Variants in FHIT observed in about 807,000 individuals in gnomAD.
FHIT encodes the protein fragile histidine triad diadenosine triphosphatase.
In FHIT, 19 loss-of-function variants were observed where a neutral mutation model predicts 17.9. That is an observed-to-expected ratio of 1.06 (90% CI 0.74 to 1.56). FHIT has a LOEUF of 1.56. Ranked by LOEUF, FHIT falls within the 40% of genes most tolerant of loss-of-function variation. The pLI, the probability that FHIT is intolerant of heterozygous loss-of-function variation, is 0.00. For missense variants in FHIT, 248 were observed against 189.2 expected (o/e 1.31, Z -1.82); for synonymous variants, 81 against 69.7 (o/e 1.16, Z -0.81).
chr3:59,987,146 AAAT>A (rs1385135525), intron 7 of FHIT, among the ~76,000 whole-genome samples: 1 of 144,996 alleles, frequency 6.9e-6, no homozygotes, highest in East Asian at 2.0e-4. Flanking sequence ...ATAATTATAT[AAAT>A]AATATAGACA....
intron 8 of FHIT, among the ~76,000 whole-genome samples, chr3:59,892,955 A>G (rs1006360996): frequency 1.3e-5 from 2 of 152,254 alleles, no homozygotes; most frequent in African/African-American, 4.8e-5. Context: ...CTTACTTTAA[A>G]TTAGAATTTT....
chr3:60,592,689 A>T (rs148235620), intron 4 of FHIT, among the ~76,000 whole-genome samples: 2 of 152,248 alleles, frequency 1.3e-5, no homozygotes, highest in Non-Finnish European at 2.9e-5. Context: ...TCAGAATTTG[A>T]TTATACAACC....
intron 5 of FHIT, among the ~76,000 whole-genome samples, chr3:60,331,614 A>G (rs1273548162): frequency 2.0e-5 from 3 of 152,154 alleles, no homozygotes; most frequent in Non-Finnish European, 4.4e-5. Context: ...TGGGAGGCTG[A>G]GGTGGGTGGA....
chr3:60,702,367 G>A (rs1553702398), intron 4 of FHIT, among the ~76,000 whole-genome samples: 1 of 151,938 alleles, frequency 6.6e-6, no homozygotes. Context: ...CTATTTTATA[G>A]GAATGAATGA....
chr3:60,702,461 T>A (rs989676794), intron 4 of FHIT, among the ~76,000 whole-genome samples: 4 of 152,046 alleles, frequency 2.6e-5, no homozygotes, highest in African/African-American at 9.7e-5. Context: ...TTTTTCTTTT[T>A]TCTATATAGG....
chr3:60,000,247 A>C (rs987583366), intron 7 of FHIT, among the ~76,000 whole-genome samples: 2 of 152,208 alleles, frequency 1.3e-5, no homozygotes, highest in East Asian at 3.9e-4. Context: ...AGGATTAATG[A>C]AAGTCATTAC....
At chr3:60,263,714 T>G (rs115131681) in intron 5 of FHIT, among the ~76,000 whole-genome samples, 2 of 152,056 alleles carry the variant, frequency 1.3e-5, no homozygotes, top group Admixed American at 6.6e-5. Flanking sequence ...ACTTATTGAT[T>G]TGATGACAGT....
chr3:60,900,142 G>A (rs1223408174), intron 3 of FHIT, among the ~76,000 whole-genome samples: 2 of 152,172 alleles, frequency 1.3e-5, no homozygotes, highest in Admixed American at 6.5e-5. Flanking sequence ...ATCATGACTT[G>A]TACTGCTGTC....
chr3:61,146,533 A>G (rs538258594), intron 2 of FHIT, among the ~76,000 whole-genome samples: 51 of 152,074 alleles, frequency 3.4e-4, no homozygotes, highest in Non-Finnish European at 5.7e-4. Context: ...AGTTTTATGC[A>G]TACGTAATTC....
intron 8 of FHIT, among the ~76,000 whole-genome samples, chr3:59,758,560 A>G (rs1327443599): frequency 2.6e-5 from 4 of 152,300 alleles, no homozygotes; most frequent in African/African-American, 4.8e-5. Context: ...GTTCAAGAAT[A>G]AAGTCTCAGC....
At chr3:60,999,003 C>A (rs901521399) in intron 3 of FHIT, among the ~76,000 whole-genome samples, 4 of 151,944 alleles carry the variant, frequency 2.6e-5, no homozygotes, top group Non-Finnish European at 5.9e-5. Context: ...AAAGAGTAAC[C>A]AGCTCTTGGC....
chr3:60,103,599 T>G (rs540463822), intron 5 of FHIT, among the ~76,000 whole-genome samples: 2 of 152,268 alleles, frequency 1.3e-5, no homozygotes, highest in South Asian at 4.2e-4. Flanking sequence ...TCAGACACAT[T>G]GCAGCACCTA....
intron 5 of FHIT, among the ~76,000 whole-genome samples, chr3:60,238,735 A>G (rs1576353646): frequency 6.6e-6 from 1 of 152,146 alleles, no homozygotes; most frequent in Non-Finnish European, 1.5e-5. Context: ...GCTGAGGAAC[A>G]ACAAAAAAAG....
intron 2 of FHIT, among the ~76,000 whole-genome samples, chr3:61,122,424 C>G (rs539977545): frequency 6.6e-6 from 1 of 152,234 alleles, no homozygotes; most frequent in South Asian, 2.1e-4. Flanking sequence ...CTAGGCAATA[C>G]CATTCAGGAC....
rs114696884 is a variant in FHIT at position 59,748,305 on chromosome 3, G to C, written c.*1280C>G. ...GATAAGAAAAATCATGACAAAATGGGAATGAATGCAATTTGGGGAACACTG... is the reference window on the plus strand; with the variant it reads ...GATAAGAAAAATCATGACAAAATGGCAATGAATGCAATTTGGGGAACACTG... On this transcript the variant is annotated 3_prime_UTR_variant, in exon 10 of 10. Transcript: ENST00000492590. 6.6e-6 allele frequency among the ~76,000 whole-genome samples: 1 copy of C among 152,072 alleles called. No individual in the cohort carries two copies.
At chr3:60,880,434 T>A (rs1470514098) in intron 3 of FHIT, among the ~76,000 whole-genome samples, 1 of 152,204 alleles carries the variant, frequency 6.6e-6, no homozygotes, top group African/African-American at 2.4e-5. Context: ...CACAAAAGTA[T>A]AAAACTCACT....
At chr3:60,702,094 G>A (rs1559651198) in intron 4 of FHIT, among the ~76,000 whole-genome samples, 1 of 152,162 alleles carries the variant, frequency 6.6e-6, no homozygotes, top group Non-Finnish European at 1.5e-5. Context: ...AACTCCTGGG[G>A]CTCAAGCACT....
At chr3:60,842,340 C>A (rs1259751244) in intron 3 of FHIT, among the ~76,000 whole-genome samples, 1 of 150,654 alleles carries the variant, frequency 6.6e-6, no homozygotes, top group Non-Finnish European at 1.5e-5. Context: ...ATTGATCTCC[C>A]ACCAGAAAAA....
rs3046704 is a variant in FHIT, at chr3:60,850,323, TTCTCTCTCTC to T, written c.-110-28322_-110-28313del. On this transcript the variant is annotated intron_variant, in intron 3 of 9. Coordinates refer to ENST00000492590, the MANE Select transcript of FHIT (RefSeq NM_002012.4). ...CATGTTAGGGCCTTTGTGTCTGCAC[TTCTCTCTCTC>T]TCTCTCTCTCTCTCTCTCTCTCTCT... 5.7e-3 allele frequency among the ~76,000 whole-genome samples: 683 copies of T among 120,230 alleles called. 9 individuals are homozygous for T. The highest frequency in any genetic ancestry group is 0.018 in the African/African-American group (583 of 31,984). 78.9% of individuals were successfully genotyped at this position (120,230 alleles called of 152,430 possible). A position where few individuals can be genotyped will look rare whatever the true frequency, so the allele number is the denominator to read the frequency against.
Sources: gnomAD v4.1 joint callset for allele counts (sites outside exome capture counted in the v4.1 genomes callset) on GRCh38, gnomAD v4.1.1 for gene constraint, MANE v1.5 for transcripts, NCBI Gene and HGNC (gene_info 2026-07-23, HGNC 2026-07-21) for gene names.